Variants in AUTS2 observed in about 807,000 individuals in gnomAD.
The protein encoded by AUTS2 is activator of transcription and developmental regulator AUTS2.
A neutral mutation model predicts 112.4 loss-of-function variants in AUTS2; 17 were observed. The ratio of observed to expected loss-of-function variants is 0.15; its 90% CI spans 0.10 to 0.23. The LOEUF (loss-of-function observed/expected upper bound fraction) is 0.23. Among genes scored for constraint, AUTS2 ranks in the 10% least tolerant of loss-of-function variants. AUTS2 has a pLI of 1.00. For synonymous variants in AUTS2, 751 were observed against 702.7 expected (o/e 1.07, Z -1.09); for missense variants, 1,510 against 1,701.6 (o/e 0.89, Z 1.98).
At chr7:70,545,862 G>T (rs1041114770) in intron 5 of AUTS2, among the ~76,000 whole-genome samples, 37 of 152,142 alleles carry the variant, frequency 2.4e-4, no homozygotes, top group South Asian at 1.2e-3. Context: ...TAGAAGGAGT[G>T]GGGGGAGTGG....
intron 2 of AUTS2, among the ~76,000 whole-genome samples, chr7:70,011,271 T>C (rs1799790938): frequency 6.6e-6 from 1 of 151,142 alleles, no homozygotes; most frequent in Non-Finnish European, 1.5e-5. Context: ...ACAAATCTTT[T>C]GATGGCAAAA....
chr7:70,510,770 G>A (rs1436055760), intron 5 of AUTS2, among the ~76,000 whole-genome samples: 2 of 152,058 alleles, frequency 1.3e-5, no homozygotes, highest in East Asian at 1.9e-4. Flanking sequence ...TATTTAACAG[G>A]TAATAGGTTT....
At chr7:70,506,483 G>C (rs1177747181) in intron 5 of AUTS2, among the ~76,000 whole-genome samples, 1 of 152,218 alleles carries the variant, frequency 6.6e-6, no homozygotes, top group East Asian at 1.9e-4. Context: ...GCTAACTGTA[G>C]TTCAAACCAT....
intron 2 of AUTS2, among the ~76,000 whole-genome samples, chr7:69,951,962 G>T (rs1242686469): frequency 6.6e-6 from 1 of 152,158 alleles, no homozygotes; most frequent in Non-Finnish European, 1.5e-5. Flanking sequence ...AGGAAAAACA[G>T]ATTATTTCAG....
At chr7:70,527,333 A>G (rs777139445) in intron 5 of AUTS2, among the ~76,000 whole-genome samples, 26 of 152,208 alleles carry the variant, frequency 1.7e-4, no homozygotes, top group Non-Finnish European at 2.9e-4. Flanking sequence ...CAGCATTGGA[A>G]CTGCTCACTG....
chr7:70,384,186 C>G (rs181423172), intron 4 of AUTS2, among the ~76,000 whole-genome samples: 27 of 152,306 alleles, frequency 1.8e-4, no homozygotes, highest in African/African-American at 6.3e-4. Context: ...TGTTCCATGG[C>G]TCTGCCATTT....
intron 5 of AUTS2, among the ~76,000 whole-genome samples, chr7:70,468,835 T>C (rs1797266913): frequency 6.6e-6 from 1 of 152,116 alleles, no homozygotes; most frequent in Non-Finnish European, 1.5e-5. Flanking sequence ...AAGGGCAGTC[T>C]TACTCCCTCT....
At chr7:70,670,053 G>A (rs1391569869) in intron 5 of AUTS2, among the ~76,000 whole-genome samples, 2 of 152,208 alleles carry the variant, frequency 1.3e-5, no homozygotes, top group African/African-American at 4.8e-5. Context: ...AACGTTCACT[G>A]TAGGCGCACC....
chr7:69,884,475 C>T (rs1794190356), intron 1 of AUTS2, among the ~76,000 whole-genome samples: 1 of 152,196 alleles, frequency 6.6e-6, no homozygotes, highest in Non-Finnish European at 1.5e-5. Flanking sequence ...TGTGATAAAT[C>T]TCACGTTTAA....
chr7:70,020,280 A>T (rs891434921), intron 2 of AUTS2, among the ~76,000 whole-genome samples: 24 of 152,068 alleles, frequency 1.6e-4, no homozygotes, highest in Non-Finnish European at 1.0e-4. Flanking sequence ...TCTTGAAGAA[A>T]CTTGACCCCA....
At chr7:69,886,763 T>TG (rs1794291908) in intron 1 of AUTS2, among the ~76,000 whole-genome samples, 4 of 129,870 alleles carry the variant, frequency 3.1e-5, no homozygotes, top group Admixed American at 7.8e-5. Context: ...TTTGACTTCT[T>TG]TGTGTGTGTG....
chr7:70,193,436 G>A (rs938106509), intron 4 of AUTS2, among the ~76,000 whole-genome samples: 1 of 152,150 alleles, frequency 6.6e-6, no homozygotes. Flanking sequence ...ATGCTATTTT[G>A]CATTAAAAGA....
chr7:69,628,468 G>A (rs540278612), intron 1 of AUTS2, among the ~76,000 whole-genome samples: 2 of 152,114 alleles, frequency 1.3e-5, no homozygotes, highest in Non-Finnish European at 2.9e-5. Context: ...AACATTTGTC[G>A]TAACTGTGAG....
intron 1 of AUTS2, among the ~76,000 whole-genome samples, chr7:69,690,597 G>C (rs1405874011): frequency 6.6e-6 from 1 of 152,210 alleles, no homozygotes; most frequent in African/African-American, 2.4e-5. Flanking sequence ...GGCTGGACCA[G>C]GTGTACTGCA....
chr7:70,495,705 A>G (rs1277132433), intron 5 of AUTS2, among the ~76,000 whole-genome samples: 5 of 140,202 alleles, frequency 3.6e-5, no homozygotes, highest in Non-Finnish European at 3.1e-5. Context: ...AGTCACACAC[A>G]CACACACCCC....
At chr7:70,404,863 C>A (rs545105244) in intron 4 of AUTS2, among the ~76,000 whole-genome samples, 6 of 152,262 alleles carry the variant, frequency 3.9e-5, no homozygotes, top group Admixed American at 3.9e-4. Flanking sequence ...TTTTCTCTAA[C>A]TACTGCGTCT....
intron 5 of AUTS2, among the ~76,000 whole-genome samples, chr7:70,478,555 C>G (rs1177543966): frequency 6.6e-6 from 1 of 152,080 alleles, no homozygotes; most frequent in Non-Finnish European, 1.5e-5. Flanking sequence ...TTACATTTAC[C>G]CAGACCACTC....
chr7:70,229,602 A>C (rs1811939926), intron 4 of AUTS2, among the ~76,000 whole-genome samples: 1 of 152,086 alleles, frequency 6.6e-6, no homozygotes, highest in African/African-American at 2.4e-5. Context: ...AGTTTAGATT[A>C]ATGTTTTTCA....
At chr7:69,687,705 T>C (rs1797123289) in intron 1 of AUTS2, among the ~76,000 whole-genome samples, 1 of 152,190 alleles carries the variant, frequency 6.6e-6, no homozygotes, top group Admixed American at 6.5e-5. Flanking sequence ...CTCTTTCTTT[T>C]TAAAATATGG....
Sources: gnomAD v4.1 joint callset for allele counts (sites outside exome capture counted in the v4.1 genomes callset) on GRCh38, gnomAD v4.1.1 for gene constraint, MANE v1.5 for transcripts, NCBI Gene and HGNC (gene_info 2026-07-23, HGNC 2026-07-21) for gene names.